Variants in PTPRG observed in about 807,000 individuals in gnomAD.
PTPRG encodes protein tyrosine phosphatase receptor type G.
A neutral mutation model predicts 165.3 loss-of-function variants in PTPRG; 102 were observed. That is an observed-to-expected ratio of 0.62 (90% CI 0.53 to 0.73). The LOEUF (loss-of-function observed/expected upper bound fraction) is 0.73, where lower values mean the gene tolerates loss of function less well. Among genes scored for constraint, PTPRG ranks in the 30% least tolerant of loss-of-function variants. The pLI is 0.00. For missense variants in PTPRG, 1,866 were observed against 1,861.4 expected, an observed-to-expected ratio of 1.00 and a Z score of -0.05; for synonymous variants, 675 against 669.5, an observed-to-expected ratio of 1.01 and a Z score of -0.13.
In PTPRG at chr3:62,161,153, G is replaced by C. The variant is rs139919671; in HGVS notation, c.840+3929G>C. ...CAATAAAGATTAAATGGTGGAATAT[G>C]TATAAAATGCTTAGACTAGAATATG... On this transcript the variant is annotated intron_variant, in intron 7 of 29. Coordinates refer to ENST00000474889, the MANE Select transcript of PTPRG (RefSeq NM_002841.4). Among the ~76,000 whole-genome samples the C allele has an allele frequency of 3.9e-5, 6 of 152,284 alleles. No individual in the cohort carries two copies. In the East Asian group the frequency reaches 1.2e-3, roughly 29 times the overall value.
rs776285819 is a variant in PTPRG, at chr3:62,157,092, C to T, written c.708C>T (p.Phe236=). 2.8e-5 allele frequency: 45 copies of T among 1,608,584 alleles called. No homozygotes were observed. The highest frequency in any genetic ancestry group is 6.7e-5 in the Admixed American group (4 of 59,996). The change falls in exon 7 of 30, where the codon TTC becomes TTT. Residue 236 remains phenylalanine, a synonymous_variant. Transcript: ENST00000474889. ...AGAAGGAGACCTTTCTGGATCCTTTCGTCCTCCGGGACCTCCTGCCTGCAT... is the reference window on the plus strand; with the variant it reads ...AGAAGGAGACCTTTCTGGATCCTTTTGTCCTCCGGGACCTCCTGCCTGCAT... ...HHEKETFLDP[F]VLRDLLPASL...
Position 61,989,185 on chromosome 3 carries a change from T to C in PTPRG, c.191-440T>C, listed in dbSNP as rs143667754. On this transcript the variant is annotated intron_variant, in intron 2 of 29. Coordinates refer to ENST00000474889, the MANE Select transcript of PTPRG (RefSeq NM_002841.4). ...AGTTTTCTGTTGCCTTTAATTTTTT[T>C]TCCCTTTTTCATGTTTACAGTCTTT... Among the ~76,000 whole-genome samples, 1,144 of 152,328 alleles carry C rather than the reference T, an allele frequency of 7.5e-3. 15 individuals are homozygous for C. The highest frequency in any genetic ancestry group is 0.044 in the Middle Eastern group (13 of 294).
chr3:62,021,789 T>G (rs1170387878), intron 4 of PTPRG, among the ~76,000 whole-genome samples: 1 of 151,912 alleles, frequency 6.6e-6, no homozygotes, highest in East Asian at 1.9e-4. Context: ...TATGGGTTCC[T>G]AATATGGGGC....
At chr3:61,586,603 C>A (rs1361676321) in intron 1 of PTPRG, among the ~76,000 whole-genome samples, 1 of 152,208 alleles carries the variant, frequency 6.6e-6, no homozygotes. Context: ...GAGAGCCTGA[C>A]TTCCTGGGAA....
At chr3:61,777,899 G>T (rs1046378755) in intron 2 of PTPRG, among the ~76,000 whole-genome samples, 7 of 152,172 alleles carry the variant, frequency 4.6e-5, no homozygotes, top group Non-Finnish European at 8.8e-5. Context: ...CCATTTATTT[G>T]ACTCTAAGCC....
At chr3:61,812,025 G>A (rs980145210) in intron 2 of PTPRG, among the ~76,000 whole-genome samples, 7 of 152,174 alleles carry the variant, frequency 4.6e-5, no homozygotes, top group African/African-American at 1.7e-4. Context: ...ATTTCAAAAT[G>A]TGCTTGAGGA....
intron 3 of PTPRG, among the ~76,000 whole-genome samples, chr3:61,996,003 C>G (rs1348061802): frequency 6.6e-6 from 1 of 152,128 alleles, no homozygotes; most frequent in African/African-American, 2.4e-5. Context: ...CTCTGTCTCT[C>G]TGCCTGATTC....
rs531439907 is a variant in PTPRG at position 61,961,196 on chromosome 3, A to G, written c.191-28429A>G. Among the ~76,000 whole-genome samples, 3 of 152,292 alleles carry G rather than the reference A, an allele frequency of 2.0e-5. No individual in the cohort carries two copies. In the South Asian group the frequency reaches 6.2e-4, roughly 32 times the overall value. On this transcript the variant is annotated intron_variant, in intron 2 of 29. Coordinates refer to ENST00000474889, the MANE Select transcript of PTPRG (RefSeq NM_002841.4). ...TGGAAGGAGGGGCCAGGAAGGGGAA[A>G]GGGTGTGACTAATACCCACAAACAT...
intron 1 of PTPRG, chr3:61,659,161 T>C (rs899211938): frequency 2.3e-6 from 1 of 432,614 alleles, no homozygotes; most frequent in Non-Finnish European, 3.1e-6. Context: ...AAGGGCCTTT[T>C]GCCATGGCCT....
intron 2 of PTPRG, among the ~76,000 whole-genome samples, chr3:61,902,594 T>G (rs1314962952): frequency 6.6e-6 from 1 of 152,202 alleles, no homozygotes; most frequent in Non-Finnish European, 1.5e-5. Flanking sequence ...ATAAAAGATG[T>G]AAGTTGTAAA....
At chr3:61,735,312 A>G (rs1284788824) in intron 1 of PTPRG, among the ~76,000 whole-genome samples, 1 of 152,194 alleles carries the variant, frequency 6.6e-6, no homozygotes, top group Admixed American at 6.5e-5. Flanking sequence ...TTTCAAGTTA[A>G]TAACTCCTCT....
At chr3:61,857,244 T>G (rs1431292343) in intron 2 of PTPRG, among the ~76,000 whole-genome samples, 1 of 152,144 alleles carries the variant, frequency 6.6e-6, no homozygotes, top group African/African-American at 2.4e-5. Context: ...ACAAGAGAGT[T>G]TCAATGACTT....
chr3:62,049,231 C>T (rs1394503090), intron 4 of PTPRG, among the ~76,000 whole-genome samples: 1 of 152,070 alleles, frequency 6.6e-6, no homozygotes, highest in Non-Finnish European at 1.5e-5. Context: ...CTGTGTAATG[C>T]GAGCAGCATG....
At position 61,841,918 on chromosome 3, in the gene PTPRG, G is replaced by A. The variant is rs567233353; in HGVS notation, c.190+92936G>A. ...AATTACCCATAAAAATCCCGATGGT[G>A]GAAGGGTGGAACAAGAGAACTTGGG... On this transcript the variant is annotated intron_variant, in intron 2 of 29. Transcript: ENST00000474889. Among the ~76,000 whole-genome samples, 9 of 152,338 alleles carry A rather than the reference G, an allele frequency of 5.9e-5. No homozygotes were observed. In the South Asian group the frequency reaches 1.7e-3, roughly 28 times the overall value.
intron 1 of PTPRG, among the ~76,000 whole-genome samples, chr3:61,660,098 G>T (rs530679552): frequency 6.6e-5 from 10 of 152,108 alleles, no homozygotes; most frequent in Admixed American, 2.0e-4. Flanking sequence ...GGTGGTTTGT[G>T]CCTGTAGTCC....
At chr3:62,181,451 CT>C (rs1705646267) in intron 8 of PTPRG, among the ~76,000 whole-genome samples, 1 of 152,014 alleles carries the variant, frequency 6.6e-6, no homozygotes, top group Non-Finnish European at 1.5e-5. Flanking sequence ...TCCTTTTTTC[CT>C]CTTTCCTCTA....
At chr3:61,740,702 C>T (rs1030433167) in intron 1 of PTPRG, among the ~76,000 whole-genome samples, 7 of 151,996 alleles carry the variant, frequency 4.6e-5, no homozygotes, top group Non-Finnish European at 8.8e-5. Context: ...TGTGTGATTC[C>T]TCTTTCCCTT....
chr3:62,238,114 C>T (rs1386283941), intron 14 of PTPRG, among the ~76,000 whole-genome samples: 2 of 152,164 alleles, frequency 1.3e-5, no homozygotes, highest in African/African-American at 4.8e-5. Context: ...TGAACAGAGA[C>T]GCTCATTCGG....
chr3:61,730,059 T>C (rs1188510456), intron 1 of PTPRG, among the ~76,000 whole-genome samples: 1 of 152,230 alleles, frequency 6.6e-6, no homozygotes, highest in Non-Finnish European at 1.5e-5. Flanking sequence ...TATGTTTAGA[T>C]GGGTCTTCCT....
Sources: gnomAD v4.1 joint callset for allele counts (sites outside exome capture counted in the v4.1 genomes callset) on GRCh38, gnomAD v4.1.1 for gene constraint, MANE v1.5 for transcripts, NCBI Gene and HGNC (gene_info 2026-07-23, HGNC 2026-07-21) for gene names.